The following NGRN variants were observed in gnomAD, a reference collection of about 807,000 sequenced individuals.
The protein encoded by NGRN is neugrin, neurite outgrowth associated, also known as neugrin.
NGRN carries 12 observed loss-of-function variants against 13.1 expected under a neutral mutation model. That is an observed-to-expected ratio of 0.92 (90% CI 0.59 to 1.49). The LOEUF (loss-of-function observed/expected upper bound fraction) is 1.49, where lower values mean the gene tolerates loss of function less well. Ranked by LOEUF, NGRN falls within the 40% of genes most tolerant of loss-of-function variation. The pLI is 0.00. For missense variants in NGRN, 397 were observed against 357.0 expected, an observed-to-expected ratio of 1.11 and a Z score of -0.90; for synonymous variants, 149 against 145.8, an observed-to-expected ratio of 1.02 and a Z score of -0.16.
rs578095695 is a variant in NGRN, at chr15:90,270,058, A to G, written c.276-1130A>G. On this transcript the variant is annotated intron_variant, in intron 2 of 2. Coordinates refer to ENST00000379095, the MANE Select transcript of NGRN (RefSeq NM_001033088.3). ...CACTGAAAAACTACCACTAGGTTGA[A>G]TTCCTTTTTTTCTTTTTTTAATAGA... Among the ~76,000 whole-genome samples the G allele has an allele frequency of 3.9e-5, 6 of 152,092 alleles. No homozygotes were observed. The South Asian group carries it at 1.2e-3, about 32-fold the overall frequency.
intron 2 of NGRN, among the ~76,000 whole-genome samples, chr15:90,267,403 C>G (rs1319996267): frequency 2.0e-5 from 3 of 152,086 alleles, no homozygotes; most frequent in Non-Finnish European, 4.4e-5. Context: ...GCGCCTGGCC[C>G]TCAATTCTTT....
chr15:90,272,156 G>A lies in NGRN; in HGVS notation c.*368G>A, dbSNP rs770449915. ...TGATCAGTGAACACTAACATTTTGG[G>A]GACAACTTAGTCAATTGGTTTTCCT... On this transcript the variant is annotated 3_prime_UTR_variant, in exon 3 of 3. Coordinates refer to ENST00000379095, the MANE Select transcript of NGRN (RefSeq NM_001033088.3). 10 of 219,198 alleles carry A rather than the reference G, an allele frequency of 4.6e-5. No individual in the cohort carries two copies. The highest frequency in any genetic ancestry group is 9.2e-5 in the Non-Finnish European group (10 of 109,080). The allele number at this position is 219,198 out of a possible 1,614,324, so 13.6% of individuals were successfully genotyped here.
At chr15:90,270,626 C>T (rs1963489205) in intron 2 of NGRN, among the ~76,000 whole-genome samples, 1 of 152,178 alleles carries the variant, frequency 6.6e-6, no homozygotes, top group Non-Finnish European at 1.5e-5. Flanking sequence ...GGTCAGTCCT[C>T]CTGCGTCCCC....
In NGRN at chr15:90,266,284, C is replaced by G. The variant is rs1254773831; in HGVS notation, c.165-4C>G. On this transcript the variant is annotated splice_region_variant and splice_polypyrimidine_tract_variant and intron_variant, in intron 1 of 2. Coordinates refer to ENST00000379095, the MANE Select transcript of NGRN (RefSeq NM_001033088.3). ...GGCTTCTGCCATTGGTTCTCTTCCC[C>G]CAGCACCCTGAAACGACAGAAACAA... 8 of 1,612,294 alleles carry G rather than the reference C, an allele frequency of 5.0e-6. No homozygotes were observed. The highest frequency in any genetic ancestry group is 1.3e-5 in the African/African-American group (1 of 74,886).
At chr15:90,267,394 C>T (rs1354814937) in intron 2 of NGRN, among the ~76,000 whole-genome samples, 2 of 152,100 alleles carry the variant, frequency 1.3e-5, no homozygotes, top group Non-Finnish European at 2.9e-5. Context: ...TGAGCCACTG[C>T]GCCTGGCCCT....
chr15:90,271,190 A>G lies in NGRN; in HGVS notation c.278A>G (p.Tyr93Cys). Reference sequence around the variant, plus strand: ...AAACCTGCTCCTTCTTCCCGTAGGTATTTACATGAGGAATTTCCAGAGTCC... The same window carrying G: ...AAACCTGCTCCTTCTTCCCGTAGGTGTTTACATGAGGAATTTCCAGAGTCC... ...LTWEAMEQIRYLHEEFPESWS... is the reference protein window; with the variant it reads ...LTWEAMEQIRCLHEEFPESWS... The change falls in exon 3 of 3, where the codon TAT (tyrosine) becomes TGT (cysteine). Residue 93 changes from tyrosine to cysteine, a missense_variant and splice_region_variant. Transcript: ENST00000379095. 6.2e-7 allele frequency: 1 copy of G among 1,609,638 alleles called. No individual in the cohort carries two copies. Among genetic ancestry groups the G allele is most frequent in the Non-Finnish European group, 8.5e-7 (1 of 1,177,980 alleles).
Position 90,265,862 on chromosome 15 carries a change from G to T in NGRN, c.150G>T (p.Leu50=). ...DSDWEPEERE[L]QEVESTLKRQ... ...ACTGGGAGCCGGAGGAACGGGAGCT[G>T]CAGGAGGTGGAGAGGTACCGGCTTC... The change falls in exon 1 of 3, where the codon CTG becomes CTT. Residue 50 remains leucine, a synonymous_variant. Transcript: ENST00000379095. The T allele has an allele frequency of 1.3e-6, 2 of 1,599,994 alleles. No homozygotes were observed. Among genetic ancestry groups the T allele is most frequent in the Non-Finnish European group, 1.7e-6 (2 of 1,173,776 alleles).
intron 2 of NGRN, among the ~76,000 whole-genome samples, chr15:90,270,407 TC>T (rs1963486702): frequency 1.3e-5 from 2 of 152,198 alleles, no homozygotes; most frequent in African/African-American, 4.8e-5. Flanking sequence ...CCTTCTCTCC[TC>T]CCTTCTGCCA....
Position 90,271,393 on chromosome 15 carries a change from A to G in NGRN, c.481A>G (p.Lys161Glu), listed in dbSNP as rs1404171310. 3 of 1,614,010 alleles carry G rather than the reference A, an allele frequency of 1.9e-6. No individual in the cohort carries two copies. Among genetic ancestry groups the G allele is most frequent in the Admixed American group, 3.3e-5 (2 of 59,998 alleles). ...CCTCCGGGGCTCTGGAAATACCTCA[A>G]AGCTGCTCCCTGCAGGCCACTCTGT... ...QHLRGSGNTS[K>E]LLPAGHSVSG... is the part of the protein sequence containing the mutation. The change falls in exon 3 of 3, where the codon AAG becomes GAG. Residue 161 changes from lysine to glutamate, a missense_variant. Coordinates refer to ENST00000379095, the MANE Select transcript of NGRN (RefSeq NM_001033088.3).
chr15:90,271,373 G>C lies in NGRN; in HGVS notation c.461G>C (p.Arg154Pro). The change falls in exon 3 of 3, where the codon CGG (arginine) becomes CCG (proline). Residue 154 changes from arginine to proline, a missense_variant. Arg to Pro is a moderately radical substitution (Grantham distance 103). Transcript: ENST00000379095. ...AGLAHSLQHL[R>P]GSGNTSKLLP... ...CTTGCCCACTCGCTGCAGCACCTCC[G>C]GGGCTCTGGAAATACCTCAAAGCTG... The C allele has an allele frequency of 1.2e-6, 2 of 1,613,978 alleles. No individual in the cohort carries two copies. Among genetic ancestry groups the C allele is most frequent in the Non-Finnish European group, 1.7e-6 (2 of 1,180,014 alleles).
At position 90,271,563 on chromosome 15, in the gene NGRN, G is replaced by A. The variant is rs1567083599; in HGVS notation, c.651G>A (p.Leu217=). 6.2e-7 allele frequency: 1 copy of A among 1,614,160 alleles called. No homozygotes were observed. The highest frequency in any genetic ancestry group is 8.5e-7 in the Non-Finnish European group (1 of 1,180,036). The change falls in exon 3 of 3, where the codon CTG becomes CTA. Residue 217 remains leucine, a synonymous_variant. Transcript: ENST00000379095. ...RKGRNKEIQD[L]EESFVPVAAP... ...GAAGAAATAAAGAAATCCAGGACCT[G>A]GAGGAGAGCTTTGTGCCTGTTGCTG...
rs753772498 is a variant in NGRN, at chr15:90,266,408, A to G, written c.275+10A>G. 3.4e-5 allele frequency: 55 copies of G among 1,605,950 alleles called. No individual in the cohort carries two copies. Among genetic ancestry groups the G allele is most frequent in the Non-Finnish European group, 4.7e-5 (55 of 1,175,112 alleles). On this transcript the variant is annotated intron_variant, in intron 2 of 2. Transcript: ENST00000379095. ...CCATGGAGCAGATACGGTGAGACTC[A>G]GGATACCTTGTTTGTATCCGCTGTG...
In NGRN at chr15:90,271,574, T is replaced by G; in HGVS notation, c.662T>G (p.Phe221Cys). ...GAAATCCAGGACCTGGAGGAGAGCT[T>G]TGTGCCTGTTGCTGCACCCCTAGGT... ...NKEIQDLEES[F>C]VPVAAPLGHP... The change falls in exon 3 of 3, where the codon TTT becomes TGT. Residue 221 changes from phenylalanine to cysteine, a missense_variant. Coordinates refer to ENST00000379095, the MANE Select transcript of NGRN (RefSeq NM_001033088.3). 6.2e-7 allele frequency: 1 copy of G among 1,614,096 alleles called. No homozygotes were observed.
rs750810675 is a variant in NGRN, at chr15:90,265,733, C to G, written c.21C>G (p.Leu7=). The stretch of plus-strand genomic sequence containing the variant: ...TCGACATGGCGGTTACCCTGAGTCT[C>G]TTGCTGGGCGGGCGCGTTTGCGCCG... MAVTLS[L]LLGGRVCAAV... The change falls in exon 1 of 3, where the codon CTC becomes CTG. Residue 7 remains leucine (L), a synonymous_variant. Transcript: ENST00000379095. 2.5e-6 allele frequency: 4 copies of G among 1,613,278 alleles called. No homozygotes were observed. The African/African-American group carries it at 4.0e-5, about 16-fold the overall frequency.
Position 90,266,388 on chromosome 15 carries a change from G to A in NGRN, c.265G>A (p.Glu89Lys). The A allele has an allele frequency of 6.2e-7, 1 of 1,613,264 alleles. No homozygotes were observed. Among genetic ancestry groups the A allele is most frequent in the Non-Finnish European group, 8.5e-7 (1 of 1,179,610 alleles). Residue 89 changes from glutamate (E) to lysine (K), a missense_variant, in exon 2 of 3, where the codon GAG becomes AAG. Glu to Lys is a moderately conservative substitution (Grantham distance 56). Coordinates refer to ENST00000379095, the MANE Select transcript of NGRN (RefSeq NM_001033088.3). ...PPRTLTWEAM[E>K]QIRYLHEEFP... ...CAGGACCCTGACGTGGGAAGCCATGGAGCAGATACGGTGAGACTCAGGATA... is the reference window on the plus strand; with the variant it reads ...CAGGACCCTGACGTGGGAAGCCATGAAGCAGATACGGTGAGACTCAGGATA...
At chr15:90,269,588 ACT>A (rs1339018937) in intron 2 of NGRN, among the ~76,000 whole-genome samples, 2 of 150,398 alleles carry the variant, frequency 1.3e-5, no homozygotes, top group Non-Finnish European at 3.0e-5. Context: ...ATTTTAGTTC[ACT>A]CTGCATATTT....
chr15:90,267,045 T>A (rs1398074544), intron 2 of NGRN, among the ~76,000 whole-genome samples: 1 of 151,848 alleles, frequency 6.6e-6, no homozygotes, highest in Non-Finnish European at 1.5e-5. Flanking sequence ...TTTTTTTTTT[T>A]TGGTAGTTGG....
At chr15:90,270,985 C>T (rs1011179176) in intron 2 of NGRN, among the ~76,000 whole-genome samples, 6 of 152,052 alleles carry the variant, frequency 3.9e-5, no homozygotes, top group Admixed American at 2.6e-4. Flanking sequence ...CCAGCTACTT[C>T]GGAGGCTCAG....
At chr15:90,269,539 A>G (rs1963476361) in intron 2 of NGRN, among the ~76,000 whole-genome samples, 2 of 151,372 alleles carry the variant, frequency 1.3e-5, no homozygotes, top group South Asian at 4.2e-4. Flanking sequence ...TACCTCCTAT[A>G]TCTTAAATAT....
Sources: allele counts gnomAD v4.1 joint callset (sites outside exome capture counted in the v4.1 genomes callset), GRCh38; gene constraint gnomAD v4.1.1; transcripts MANE v1.5; gene names NCBI Gene and HGNC (gene_info 2026-07-23, HGNC 2026-07-21).